The following USPL1 variants were observed in gnomAD, a reference collection of about 807,000 sequenced individuals.
USPL1 encodes the protein ubiquitin specific peptidase like 1, also known as SUMO-specific isopeptidase USPL1.
In USPL1, 27 loss-of-function variants were observed where a neutral mutation model predicts 51.5. That is an observed-to-expected ratio of 0.52 (90% CI 0.39 to 0.72). The LOEUF (loss-of-function observed/expected upper bound fraction) is 0.72, where lower values mean the gene tolerates loss of function less well. Ranked by LOEUF, USPL1 falls within the 30% of genes least tolerant of loss-of-function variation. The pLI is 0.00. For missense variants in USPL1, 1,226 were observed against 1,268.0 expected (o/e 0.97, Z 0.50); for synonymous variants, 451 against 459.6 (o/e 0.98, Z 0.24).
In USPL1 at chr13:30,657,687, G is replaced by A; in HGVS notation, c.1610G>A (p.Gly537Asp). 1 of 1,614,132 alleles carries A rather than the reference G, an allele frequency of 6.2e-7. No individual in the cohort carries two copies. The highest frequency in any genetic ancestry group is 8.5e-7 in the Non-Finnish European group (1 of 1,179,998). ...GTATCTTTAACATCGTGTTCTGTGG[G>A]TGATGCTGCCTCAGCTGAAACAGCC... ...KPVSLTSCSV[G>D]DAASAETASV... Residue 537 changes from glycine (G) to aspartate (D), a missense_variant, in exon 9 of 9, where the codon GGT becomes GAT. Gly to Asp is a moderately conservative substitution (Grantham distance 94). Coordinates refer to ENST00000255304, the MANE Select transcript of USPL1 (RefSeq NM_005800.5).
chr13:30,647,500 T>TA (rs1242750588), intron 7 of USPL1, among the ~76,000 whole-genome samples: 6 of 152,208 alleles, frequency 3.9e-5, no homozygotes, highest in African/African-American at 1.4e-4. Flanking sequence ...TCTTGAAAGC[T>TA]ATCTAGTGGC....
At chr13:30,648,887 T>C (rs1214137814) in intron 7 of USPL1, among the ~76,000 whole-genome samples, 9 of 152,286 alleles carry the variant, frequency 5.9e-5, no homozygotes, top group South Asian at 4.2e-4. Context: ...CAGCAGAGCA[T>C]GGGGTCTGCC....
chr13:30,620,726 GT>G (rs1206082803), intron 1 of USPL1, among the ~76,000 whole-genome samples: 1 of 152,084 alleles, frequency 6.6e-6, no homozygotes, highest in African/African-American at 2.4e-5. Context: ...TGGCATATTT[GT>G]TTCAAATTGT....
rs1339300694 is a variant in USPL1 at position 30,637,753 on chromosome 13, G to T, written c.878G>T (p.Cys293Phe). 2 of 1,610,174 alleles carry T rather than the reference G, an allele frequency of 1.2e-6. No individual in the cohort carries two copies. Among genetic ancestry groups the T allele is most frequent in the Non-Finnish European group, 1.7e-6 (2 of 1,178,418 alleles). ...CTCTGTATTTTCTTAGATGGAGATT[G>T]TAAAAAACTTACCTCAGAAATATTT... The part of the protein sequence containing the change: ...SQLSGVKDGD[C>F]KKLTSEIFAE... Residue 293 changes from cysteine (C) to phenylalanine (F), a missense_variant, in exon 5 of 9, where the codon TGT (cysteine) becomes TTT (phenylalanine). Coordinates refer to ENST00000255304, the MANE Select transcript of USPL1 (RefSeq NM_005800.5).
intron 7 of USPL1, among the ~76,000 whole-genome samples, chr13:30,650,999 A>C (rs945418723): frequency 6.7e-6 from 1 of 149,218 alleles, no homozygotes; most frequent in African/African-American, 2.6e-5. Flanking sequence ...AAAAACAAAC[A>C]AACCAAAAAA....
rs552470983 is a variant in USPL1, at chr13:30,631,615, C to T, written c.868+141C>T. ...TCCCTGGCTCAGGTGGGCCTCCCAC[C>T]TCAGTCTCCCAAGTAGCTGGAACTA... On this transcript the variant is annotated intron_variant, in intron 4 of 8. Coordinates refer to ENST00000255304, the MANE Select transcript of USPL1 (RefSeq NM_005800.5). The T allele has an allele frequency of 6.9e-5, 51 of 744,132 alleles. No individual in the cohort carries two copies. In the East Asian group the frequency reaches 1.4e-3, roughly 20 times the overall value. 46.1% of individuals were successfully genotyped at this position (744,132 alleles called of 1,614,324 possible).
chr13:30,622,658 ATTAC>A (rs995743885), intron 3 of USPL1, among the ~76,000 whole-genome samples: 3 of 152,212 alleles, frequency 2.0e-5, no homozygotes, highest in African/African-American at 7.2e-5. Flanking sequence ...GTTCATCAGA[ATTAC>A]CTGGAGTGCT....
chr13:30,625,945 A>G (rs1211795673), intron 3 of USPL1, among the ~76,000 whole-genome samples: 1 of 152,214 alleles, frequency 6.6e-6, no homozygotes, highest in Admixed American at 6.5e-5. Context: ...GACATTTTGT[A>G]TGATGCACAA....
Position 30,658,285 on chromosome 13 carries a change from C to G in USPL1, c.2208C>G (p.Thr736=). ...KKKETTADSQ[T]TTSKSLQNQS... Reference sequence around the variant, plus strand: ...AAGAAACTACAGCAGATTCTCAAACCACAACATCTAAGTCATTACAGAATC... The same window carrying G: ...AAGAAACTACAGCAGATTCTCAAACGACAACATCTAAGTCATTACAGAATC... Residue 736 remains threonine, a synonymous_variant, in exon 9 of 9, where the codon ACC becomes ACG. Coordinates refer to ENST00000255304, the MANE Select transcript of USPL1 (RefSeq NM_005800.5). 1 of 1,613,716 alleles carries G rather than the reference C, an allele frequency of 6.2e-7. No individual in the cohort carries two copies. Among genetic ancestry groups the G allele is most frequent in the Non-Finnish European group, 8.5e-7 (1 of 1,179,964 alleles).
intron 5 of USPL1, among the ~76,000 whole-genome samples, chr13:30,638,805 AGTT>A (rs1481990250): frequency 6.6e-6 from 1 of 150,812 alleles, no homozygotes; most frequent in Non-Finnish European, 1.5e-5. Flanking sequence ...TAATAAAATC[AGTT>A]GTTGCTACTG....
intron 3 of USPL1, among the ~76,000 whole-genome samples, chr13:30,626,792 CTT>C (rs1046390877): frequency 6.8e-6 from 1 of 146,914 alleles, no homozygotes; most frequent in African/African-American, 2.5e-5. Flanking sequence ...GAAGTTTTAA[CTT>C]TTTTTTTTTC....
chr13:30,632,558 C>T (rs1033200974), intron 4 of USPL1, among the ~76,000 whole-genome samples: 4 of 151,822 alleles, frequency 2.6e-5, no homozygotes, highest in South Asian at 2.1e-4. Context: ...GGACTACAGG[C>T]GCCCACCACC....
chr13:30,658,806 C>G lies in USPL1; in HGVS notation c.2729C>G (p.Pro910Arg). ...KKKLAALMSS[P>R]QSRTVRSENL... ...AAATTAGCTGCTCTTATGTCTTCCC[C>G]GCAAAGCAGAACAGTTCGAAGTGAA... Residue 910 changes from proline to arginine, a missense_variant, in exon 9 of 9, where the codon CCG becomes CGG. Coordinates refer to ENST00000255304, the MANE Select transcript of USPL1 (RefSeq NM_005800.5). 1 of 1,613,916 alleles carries G rather than the reference C, an allele frequency of 6.2e-7. No individual in the cohort carries two copies. The highest frequency in any genetic ancestry group is 1.1e-5 in the South Asian group (1 of 91,058).
rs373401026 is a variant in USPL1, at chr13:30,630,948, G to A, written c.342G>A (p.Lys114=). ...GGAAGAGCTTAGAAAGCAGCTATAAGGATTCACTTCTTTTAGCAAATTCCA... is the reference window on the plus strand; with the variant it reads ...GGAAGAGCTTAGAAAGCAGCTATAAAGATTCACTTCTTTTAGCAAATTCCA... The part of the protein sequence containing the change: ...QKRKSLESSY[K]DSLLLANSKK... The change falls in exon 4 of 9, where the codon AAG becomes AAA. Residue 114 remains lysine (K), a synonymous_variant. Coordinates refer to ENST00000255304, the MANE Select transcript of USPL1 (RefSeq NM_005800.5). 1 of 1,614,030 alleles carries A rather than the reference G, an allele frequency of 6.2e-7. No homozygotes were observed.
chr13:30,653,459 A>T (rs1331611466), intron 8 of USPL1, among the ~76,000 whole-genome samples, 154 bp downstream of exon 8: 1 of 152,056 alleles, frequency 6.6e-6, no homozygotes, highest in Non-Finnish European at 1.5e-5. Flanking sequence ...CCCTCCTCGC[A>T]TCTATTAAAA....
chr13:30,634,623 G>A (rs1200790102), intron 4 of USPL1, among the ~76,000 whole-genome samples: 1 of 152,168 alleles, frequency 6.6e-6, no homozygotes, highest in African/African-American at 2.4e-5. Context: ...TCAGTGGACA[G>A]TGGGGTTTTT....
At chr13:30,623,409 A>G (rs898969911) in intron 3 of USPL1, among the ~76,000 whole-genome samples, 2 of 152,102 alleles carry the variant, frequency 1.3e-5, no homozygotes, top group Admixed American at 1.3e-4. Context: ...TTGGCAGAGG[A>G]GTGACATAAG....
In USPL1 at chr13:30,631,373, C is replaced by G. The variant is rs779536678; in HGVS notation, c.767C>G (p.Thr256Ser). 1.9e-6 allele frequency: 3 copies of G among 1,614,240 alleles called. No homozygotes were observed. In the African/African-American group the frequency reaches 4.0e-5, roughly 22 times the overall value. ...TCGGAAGAGTTAAAGAACACCGTGA[C>G]TGGACTGTGCTCGAAGGAGGAATCT... ...VHSEELKNTVTGLCSKEESIF... is the reference protein window; with the variant it reads ...VHSEELKNTVSGLCSKEESIF... Residue 256 changes from threonine (T) to serine (S), a missense_variant, in exon 4 of 9, where the codon ACT becomes AGT. Transcript: ENST00000255304.
At chr13:30,625,959 A>G (rs1283306791) in intron 3 of USPL1, among the ~76,000 whole-genome samples, 1 of 152,220 alleles carries the variant, frequency 6.6e-6, no homozygotes, top group Admixed American at 6.5e-5. Flanking sequence ...TGCACAAACA[A>G]GGAATGATTT....
Sources: gnomAD v4.1 joint callset for allele counts (sites outside exome capture counted in the v4.1 genomes callset) on GRCh38, gnomAD v4.1.1 for gene constraint, MANE v1.5 for transcripts, NCBI Gene and HGNC (gene_info 2026-07-23, HGNC 2026-07-21) for gene names.